The following NRXN3 variants were observed in gnomAD, a reference collection of about 807,000 sequenced individuals.
NRXN3 encodes the protein neurexin 3, also known as neurexin III.
A neutral mutation model predicts 137.6 loss-of-function variants in NRXN3; 32 were observed. The observed-to-expected ratio is 0.23, with a 90% confidence interval of 0.18 to 0.31. The LOEUF is 0.31. Among genes scored for constraint, NRXN3 ranks in the 10% least tolerant of loss-of-function variants. The probability of loss-of-function intolerance (pLI) is 1.00; values close to 1 mark genes in which losing one functional copy is unlikely to be tolerated. For synonymous variants in NRXN3, 798 were observed against 784.5 expected (o/e 1.02, Z -0.29); for missense variants, 1,574 against 2,062.5 (o/e 0.76, Z 4.59).
At chr14:78,207,109 C>G (rs1401951380) in intron 1 of NRXN3, among the ~76,000 whole-genome samples, 1 of 152,106 alleles carries the variant, frequency 6.6e-6, no homozygotes, top group East Asian at 1.9e-4. Flanking sequence ...AGTGATCAGC[C>G]CATCTTGGCC....
At chr14:78,176,752 G>T (rs10131942) in intron 1 of NRXN3, among the ~76,000 whole-genome samples, 11 of 151,930 alleles carry the variant, frequency 7.2e-5, no homozygotes, top group Non-Finnish European at 1.5e-4. Flanking sequence ...CATGCTGCCT[G>T]GTGGGCTGTG....
chr14:79,693,314 AAG>A (rs2098723037), intron 18 of NRXN3, among the ~76,000 whole-genome samples: 1 of 152,024 alleles, frequency 6.6e-6, no homozygotes. Context: ...TTAAAGAGCA[AAG>A]GACTACTACA....
At chr14:78,592,809 T>A (rs1322486846) in intron 4 of NRXN3, among the ~76,000 whole-genome samples, 1 of 152,190 alleles carries the variant, frequency 6.6e-6, no homozygotes, top group African/African-American at 2.4e-5. Context: ...GGGGACTCGA[T>A]AACTAAACAA....
rs1315290237 is a variant in NRXN3, at chr14:79,868,090, C to A, written c.*6126C>A. The A allele has an allele frequency of 6.6e-6, 1 of 151,926 alleles. No homozygotes were observed. The highest frequency in any genetic ancestry group is 2.4e-5 in the African/African-American group (1 of 41,336). The allele number at this position is 151,926 out of a possible 1,614,324, so 9.4% of individuals were successfully genotyped here. A position where few individuals can be genotyped will look rare whatever the true frequency, so the allele number is the denominator to read the frequency against. On this transcript the variant is annotated 3_prime_UTR_variant, in exon 21 of 21. Transcript: ENST00000335750. ...CTATAATTTTGTTATACTTATCTTG[C>A]AGGTTTCTTGAGAAATATTGGATGA...
At chr14:79,351,017 A>G (rs1350747731) in intron 15 of NRXN3, among the ~76,000 whole-genome samples, 2 of 152,196 alleles carry the variant, frequency 1.3e-5, no homozygotes, top group Admixed American at 6.5e-5. Context: ...TGACTTCCCC[A>G]GAGACACATA....
At chr14:78,713,300 C>A (rs2098417934) in intron 7 of NRXN3, among the ~76,000 whole-genome samples, 1 of 152,178 alleles carries the variant, frequency 6.6e-6, no homozygotes, top group Non-Finnish European at 1.5e-5. Context: ...CTCACCCCCT[C>A]TTGCCTTCTC....
intron 8 of NRXN3, among the ~76,000 whole-genome samples, chr14:78,718,719 A>G (rs1241076642): frequency 2.0e-5 from 3 of 152,178 alleles, no homozygotes; most frequent in Non-Finnish European, 2.9e-5. Context: ...GATTTTTTTC[A>G]GCATAATCTG....
At chr14:79,631,340 C>T (rs1443095501) in intron 16 of NRXN3, among the ~76,000 whole-genome samples, 1 of 152,272 alleles carries the variant, frequency 6.6e-6, no homozygotes, top group Non-Finnish European at 1.5e-5. Flanking sequence ...CCTCCTCGGC[C>T]TCAGCGTCTG....
intron 20 of NRXN3, among the ~76,000 whole-genome samples, chr14:79,822,400 G>T (rs972150343): frequency 6.6e-6 from 1 of 152,008 alleles, no homozygotes; most frequent in African/African-American, 2.4e-5. Flanking sequence ...TTTTTTGGAT[G>T]GCTAAAATCA....
chr14:79,154,344 T>C (rs1215422505), intron 15 of NRXN3, among the ~76,000 whole-genome samples: 1 of 151,910 alleles, frequency 6.6e-6, no homozygotes, highest in Admixed American at 6.6e-5. Context: ...CAGAATTCAG[T>C]TGAGCTGAAA....
chr14:79,154,157 A>G (rs1451877592), intron 15 of NRXN3, among the ~76,000 whole-genome samples: 5 of 151,952 alleles, frequency 3.3e-5, no homozygotes, highest in African/African-American at 1.2e-4. Context: ...TTGTGTATTG[A>G]GCACTGCCCA....
chr14:78,499,267 G>A (rs2095842462), intron 4 of NRXN3, among the ~76,000 whole-genome samples: 1 of 151,820 alleles, frequency 6.6e-6, no homozygotes, highest in African/African-American at 2.4e-5. Context: ...GATAAGCACT[G>A]AGCAAATGTT....
At chr14:78,929,158 C>T (rs1202321627) in intron 10 of NRXN3, among the ~76,000 whole-genome samples, 2 of 152,056 alleles carry the variant, frequency 1.3e-5, no homozygotes, top group Non-Finnish European at 2.9e-5. Flanking sequence ...TTGATTTTTT[C>T]TTGTAAATTT....
intron 4 of NRXN3, among the ~76,000 whole-genome samples, chr14:78,568,579 A>G (rs1277653411): frequency 6.6e-6 from 1 of 152,182 alleles, no homozygotes; most frequent in East Asian, 1.9e-4. Flanking sequence ...TATTTTCACC[A>G]TAACTCCCTA....
At chr14:78,497,124 A>G (rs2095797867) in intron 4 of NRXN3, among the ~76,000 whole-genome samples, 1 of 152,142 alleles carries the variant, frequency 6.6e-6, no homozygotes, top group South Asian at 2.1e-4. Flanking sequence ...TGTAGGATCT[A>G]GATCAAACTA....
At chr14:79,043,631 A>G (rs1030934204) in intron 15 of NRXN3, among the ~76,000 whole-genome samples, 1 of 152,110 alleles carries the variant, frequency 6.6e-6, no homozygotes, top group African/African-American at 2.4e-5. Context: ...ATGGCCCGGG[A>G]CAGCTCCTGC....
chr14:78,456,807 T>TTCTTTCTTTCTA (rs1567644176), intron 4 of NRXN3, among the ~76,000 whole-genome samples: 2 of 106,526 alleles, frequency 1.9e-5, no homozygotes, highest in Non-Finnish European at 4.3e-5. Flanking sequence ...CTCTCTTTCT[T>TTCTTTCTTTCTA]TCTTTCTTTC....
chr14:78,931,235 A>G (rs113404492), intron 10 of NRXN3, among the ~76,000 whole-genome samples: 1 of 152,124 alleles, frequency 6.6e-6, no homozygotes, highest in African/African-American at 2.4e-5. Context: ...TTTTATTCAA[A>G]CATGTCAAGA....
At chr14:79,231,077 T>TA (rs1197333571) in intron 15 of NRXN3, among the ~76,000 whole-genome samples, 2 of 152,132 alleles carry the variant, frequency 1.3e-5, no homozygotes, top group African/African-American at 2.4e-5. Context: ...ACTCCTTAGG[T>TA]AAAAAAGTAG....
Sources: gnomAD v4.1 joint callset for allele counts (sites outside exome capture counted in the v4.1 genomes callset) on GRCh38, gnomAD v4.1.1 for gene constraint, MANE v1.5 for transcripts, NCBI Gene and HGNC (gene_info 2026-07-23, HGNC 2026-07-21) for gene names.